The following UBAP2 variants were observed in gnomAD, a reference collection of about 807,000 sequenced individuals.
The protein encoded by UBAP2 is ubiquitin associated protein 2, also known as ubiquitin-associated protein 2.
In UBAP2, 75 loss-of-function variants were observed where a neutral mutation model predicts 139.6. The observed-to-expected ratio is 0.54, with a 90% CI of 0.45 to 0.65. The LOEUF is 0.65. Among genes scored for constraint, UBAP2 ranks in the 30% least tolerant of loss-of-function variants. UBAP2 has a pLI of 0.00. For synonymous variants in UBAP2, 526 were observed against 526.2 expected (o/e 1.00, Z 0.01); for missense variants, 1,368 against 1,369.6 (o/e 1.00, Z 0.02).
intron 12 of UBAP2, among the ~76,000 whole-genome samples, chr9:33,949,706 T>G (rs1463914160): frequency 8.6e-6 from 1 of 116,484 alleles, no homozygotes; most frequent in African/African-American, 4.0e-5. Context: ...TCGTCTCTCA[T>G]GTGTGTGTGC....
At chr9:33,969,057 G>C (rs1234427860) in intron 8 of UBAP2, among the ~76,000 whole-genome samples, 1 of 151,778 alleles carries the variant, frequency 6.6e-6, no homozygotes, top group Non-Finnish European at 1.5e-5. Flanking sequence ...TCTATATTTT[G>C]CTTATACATT....
At chr9:34,002,784 C>G (rs1313936571) in intron 2 of UBAP2, among the ~76,000 whole-genome samples, 1 of 152,044 alleles carries the variant, frequency 6.6e-6, no homozygotes, top group Non-Finnish European at 1.5e-5. Flanking sequence ...ATCCTCCCAC[C>G]TCACGCACTC....
Position 33,927,704 on chromosome 9 carries a change from ACT to A in UBAP2, c.2371+91_2371+92del, listed in dbSNP as rs927634522. 8.7e-6 allele frequency: 12 copies of A among 1,374,238 alleles called. No individual in the cohort carries two copies. The African/African-American group carries it at 1.6e-4, about 18-fold the overall frequency. 85.1% of individuals were successfully genotyped at this position (1,374,238 alleles called of 1,614,324 possible). A position where few individuals can be genotyped will look rare whatever the true frequency, so the allele number is the denominator to read the frequency against. On this transcript the variant is annotated intron_variant, in intron 20 of 28. Transcript: ENST00000379238. ...ACGCAGCGCACTCGGCGGGCCTGAGACTCTCCTGACACCTGCACTGCCTTCCT... is the reference window on the plus strand; with the variant it reads ...ACGCAGCGCACTCGGCGGGCCTGAGACTCCTGACACCTGCACTGCCTTCCT...
At chr9:34,032,801 G>A (rs984910118) in intron 1 of UBAP2, among the ~76,000 whole-genome samples, 2 of 151,692 alleles carry the variant, frequency 1.3e-5, no homozygotes, top group African/African-American at 4.8e-5. Context: ...GCACGCACCT[G>A]TAATCTCAGC....
chr9:34,016,359 G>A (rs10971853), intron 2 of UBAP2, among the ~76,000 whole-genome samples: 3 of 79,246 alleles, frequency 3.8e-5, no homozygotes, highest in Non-Finnish European at 5.5e-5. Context: ...AGGCAGCAGC[G>A]GCGGCAGCGG....
chr9:33,932,513 C>T (rs1824072672), intron 19 of UBAP2, 49 bp downstream of exon 19: 1 of 1,609,000 alleles, frequency 6.2e-7, no homozygotes, highest in East Asian at 2.2e-5. Context: ...GACTAAGCTC[C>T]AGGCTCCCCA....
intron 16 of UBAP2, among the ~76,000 whole-genome samples, chr9:33,936,111 G>C (rs1249317304): frequency 6.6e-6 from 1 of 151,950 alleles, no homozygotes; most frequent in African/African-American, 2.4e-5. Context: ...GCCTGCCTAG[G>C]AGCTGGGACT....
At chr9:34,045,263 A>G (rs1827473122) in intron 1 of UBAP2, among the ~76,000 whole-genome samples, 1 of 151,656 alleles carries the variant, frequency 6.6e-6, no homozygotes, top group Non-Finnish European at 1.5e-5. Context: ...GGAAAATGGC[A>G]TGAACCCAGA....
intron 2 of UBAP2, among the ~76,000 whole-genome samples, chr9:34,013,834 G>T (rs939759639): frequency 6.7e-6 from 1 of 149,590 alleles, no homozygotes; most frequent in Non-Finnish European, 1.5e-5. Context: ...CTGAGAACGC[G>T]CCACTGCACT....
intron 6 of UBAP2, among the ~76,000 whole-genome samples, chr9:33,976,407 T>C (rs1339165153): frequency 1.3e-5 from 2 of 152,178 alleles, no homozygotes; most frequent in African/African-American, 2.4e-5. Context: ...ACCCAAAACA[T>C]TATCTAAGAG....
In UBAP2 at chr9:33,956,466, G is replaced by A. The variant is rs567287439; in HGVS notation, c.799-320C>T. ...CCTGAGTAGCTGGGCCTCCAGGCAC[G>A]CACCAGCATGCGCCACCACACCGAG... is the stretch of plus-strand genomic sequence containing the variant. On this transcript the variant is annotated intron_variant, in intron 10 of 28. Coordinates refer to ENST00000379238, the MANE Select transcript of UBAP2 (RefSeq NM_001370062.2). 2.3e-4 allele frequency among the ~76,000 whole-genome samples: 35 copies of A among 151,892 alleles called. No individual in the cohort carries two copies. In the East Asian group the frequency reaches 2.9e-3, roughly 13 times the overall value.
chr9:34,010,298 C>T (rs74736208), intron 2 of UBAP2, among the ~76,000 whole-genome samples: 1 of 150,272 alleles, frequency 6.7e-6, no homozygotes, highest in East Asian at 2.0e-4. Context: ...ATGGCAGGTG[C>T]CTGTAATCCC....
chr9:34,010,628 G>A (rs1284711336), intron 2 of UBAP2, among the ~76,000 whole-genome samples: 4 of 152,054 alleles, frequency 2.6e-5, no homozygotes, highest in Non-Finnish European at 5.9e-5. Flanking sequence ...GATATTGACT[G>A]TACAACTCTC....
intron 25 of UBAP2, 27 bp from the exon 26 acceptor site, chr9:33,923,320 G>T (rs1271637546): frequency 6.2e-6 from 10 of 1,613,986 alleles, no homozygotes; most frequent in Non-Finnish European, 8.5e-6. Context: ...CAAGAGGCAA[G>T]TGTGAGCCAG....
chr9:34,032,661 T>C (rs1440422758), intron 1 of UBAP2, among the ~76,000 whole-genome samples: 2 of 152,302 alleles, frequency 1.3e-5, no homozygotes, highest in Non-Finnish European at 2.9e-5. Flanking sequence ...TGGTGGCTCA[T>C]GCCTGTAATT....
chr9:33,971,716 G>A lies in UBAP2; in HGVS notation c.614C>T (p.Thr205Ile). 2 of 1,611,030 alleles carry A rather than the reference G, an allele frequency of 1.2e-6. No individual in the cohort carries two copies. The part of the protein sequence containing the change: ...NPADYSDSTS[T>I]DVCGTKLVVW... ...TACTAGCTTTGTCCCACACACATCT[G>A]TAGATGTAGAATCTGAATAGTCTGC... The change falls in exon 8 of 29, where the codon ACA (threonine) becomes ATA (isoleucine). Residue 205 changes from threonine (T) to isoleucine (I), a missense_variant. Thr to Ile is a moderately conservative substitution (Grantham distance 89, BLOSUM62 -1). Coordinates refer to ENST00000379238, the MANE Select transcript of UBAP2 (RefSeq NM_001370062.2).
chr9:33,958,867 G>A (rs1362966010), intron 10 of UBAP2, among the ~76,000 whole-genome samples: 1 of 151,952 alleles, frequency 6.6e-6, no homozygotes, highest in African/African-American at 2.4e-5. Flanking sequence ...ATTAAAAAAA[G>A]GCCGGGCGCA....
intron 6 of UBAP2, among the ~76,000 whole-genome samples, chr9:33,978,290 T>G (rs1008706907): frequency 6.6e-5 from 10 of 151,910 alleles, no homozygotes; most frequent in Admixed American, 6.6e-4. Context: ...TCCCAGCACC[T>G]TGGTAGGTCA....
chr9:33,983,968 A>G (rs920377636), intron 6 of UBAP2, among the ~76,000 whole-genome samples: 4 of 151,600 alleles, frequency 2.6e-5, no homozygotes, highest in Admixed American at 2.6e-4. Context: ...CTAGAGTGCA[A>G]TGGTACAATC....
Sources: allele counts gnomAD v4.1 joint callset (sites outside exome capture counted in the v4.1 genomes callset), GRCh38; gene constraint gnomAD v4.1.1; transcripts MANE v1.5; gene names NCBI Gene and HGNC (gene_info 2026-07-23, HGNC 2026-07-21).